Variants in HIVEP3 observed in about 807,000 individuals in gnomAD.
HIVEP3 encodes the protein transcription factor HIVEP3.
HIVEP3 carries 49 observed loss-of-function variants against 152.8 expected under a neutral mutation model. The observed-to-expected ratio is 0.32, with a 90% CI of 0.26 to 0.41. The LOEUF is 0.41. Among genes scored for constraint, HIVEP3 ranks in the 10% least tolerant of loss-of-function variants. The pLI is 1.00. For missense variants in HIVEP3, 2,790 were observed against 3,103.3 expected (o/e 0.90, Z 2.40); for synonymous variants, 1,269 against 1,289.0 (o/e 0.98, Z 0.33).
At chr1:41,598,486 C>T (rs12728110) in intron 3 of HIVEP3, among the ~76,000 whole-genome samples, 1,992 of 152,228 alleles carry the variant, frequency 0.013, 23 homozygotes, top group Middle Eastern at 0.02. Flanking sequence ...GAGTGTAGTC[C>T]AACAGAAGAG....
intron 3 of HIVEP3, among the ~76,000 whole-genome samples, chr1:41,596,231 C>T (rs1644663837): frequency 6.6e-6 from 1 of 152,206 alleles, no homozygotes; most frequent in South Asian, 2.1e-4. Flanking sequence ...TGACTGCCCT[C>T]TGAAAGCAGG....
chr1:41,757,390 TA>T (rs1365574242), intron 1 of HIVEP3, among the ~76,000 whole-genome samples: 2 of 151,994 alleles, frequency 1.3e-5, no homozygotes, highest in African/African-American at 4.8e-5. Context: ...GTGCTGGGAT[TA>T]CAGGCGTGAG....
intron 2 of HIVEP3, among the ~76,000 whole-genome samples, chr1:41,668,332 C>T (rs927333773): frequency 1.4e-4 from 21 of 152,196 alleles, no homozygotes; most frequent in African/African-American, 4.1e-4. Context: ...GAGATGAATA[C>T]GGGAGGGGTG....
At chr1:41,656,652 G>A (rs1413778337) in intron 2 of HIVEP3, among the ~76,000 whole-genome samples, 3 of 152,198 alleles carry the variant, frequency 2.0e-5, no homozygotes, top group East Asian at 1.9e-4. Flanking sequence ...GAAAGGAAAC[G>A]GGGGTTGCAT....
At chr1:41,565,525 AAG>A (rs1455370979) in intron 5 of HIVEP3, among the ~76,000 whole-genome samples, 1 of 99,576 alleles carries the variant, frequency 1.0e-5, no homozygotes, top group Non-Finnish European at 2.3e-5. Context: ...TAAAAACTGA[AAG>A]ACACACACAC....
chr1:41,966,542 C>T (rs1379748877), intron 1 of HIVEP3, among the ~76,000 whole-genome samples: 1 of 134,720 alleles, frequency 7.4e-6, no homozygotes, highest in Non-Finnish European at 1.5e-5. Context: ...GGCGCCATCT[C>T]GGCTCACTGC....
chr1:41,821,093 C>T (rs138336077), intron 1 of HIVEP3, among the ~76,000 whole-genome samples: 2,493 of 152,262 alleles, frequency 0.016, 38 homozygotes, highest in Non-Finnish European at 0.021. Context: ...GGAAAGGAAG[C>T]AGAGCCGTAA....
At chr1:41,653,703 A>C (rs1645586402) in intron 2 of HIVEP3, among the ~76,000 whole-genome samples, 2 of 152,168 alleles carry the variant, frequency 1.3e-5, no homozygotes, top group South Asian at 4.1e-4. Context: ...TCGCATGCCA[A>C]GGCAAGAAAC....
chr1:41,596,843 TG>T (rs1413868530), intron 3 of HIVEP3, among the ~76,000 whole-genome samples: 2 of 152,138 alleles, frequency 1.3e-5, no homozygotes, highest in Non-Finnish European at 2.9e-5. Flanking sequence ...CTTCCTTCCC[TG>T]TATCTGAGAT....
At chr1:41,708,112 A>ATGGGAGCCTCTAGAAGGATTCGG (rs1646460836) in intron 1 of HIVEP3, among the ~76,000 whole-genome samples, 1 of 152,218 alleles carries the variant, frequency 6.6e-6, no homozygotes, top group Admixed American at 6.5e-5. Context: ...GAAGGATTCG[A>ATGGGAGCCTCTAGAAGGATTCGG]TAGAATCCTC....
At chr1:41,775,281 G>A (rs1198991267) in intron 1 of HIVEP3, among the ~76,000 whole-genome samples, 4 of 152,146 alleles carry the variant, frequency 2.6e-5, no homozygotes. Context: ...TGTGGAAGAA[G>A]ACATTTCTGC....
chr1:41,584,183 G>A lies in HIVEP3; in HGVS notation c.615C>T (p.Ser205=), dbSNP rs553205567. The change falls in exon 4 of 9, where the codon AGC becomes AGT. Residue 205 remains serine (S), a synonymous_variant. Transcript: ENST00000372583. This position sits in a 1 kb window ranked among gnomAD's most constrained non-coding sequence, Gnocchi z 5.2. ...QYCSRPCAKP[S]VLQKHIRSHT... ...GTGAGCGAATGTGCTTCTGGAGCAC[G>A]CTGGGCTTGGCACAGGGCCGGCTGC... The A allele has an allele frequency of 1.7e-4, 273 of 1,614,190 alleles. 4 individuals carry two copies. In the South Asian group the frequency reaches 2.8e-3, roughly 16 times the overall value.
In HIVEP3 at chr1:41,626,535, A is replaced by AC. The variant is rs535834812; in HGVS notation, c.-522+2213dup. On this transcript the variant is annotated intron_variant, in intron 3 of 8. Transcript: ENST00000372583. ...GAGGGAAATGCCAAGTCTGCAGAGG[A>AC]CCCCCCATCTGTACTCCCTGGACAG... Among the ~76,000 whole-genome samples, 432 of 151,920 alleles carry AC rather than the reference A, an allele frequency of 2.8e-3. 4 individuals carry two copies. Among genetic ancestry groups the AC allele is most frequent in the Non-Finnish European group, 2.1e-3 (140 of 67,898 alleles).
At position 41,962,362 on chromosome 1, in the gene HIVEP3, T is replaced by C. The variant is rs561039179; in HGVS notation, n.120-43838A>G. 5.9e-5 allele frequency among the ~76,000 whole-genome samples: 9 copies of C among 152,342 alleles called. No homozygotes were observed. In the East Asian group the frequency reaches 1.3e-3, roughly 23 times the overall value. On this transcript the variant is annotated intron_variant and non_coding_transcript_variant, in intron 1 of 3. Coordinates refer to the HIVEP3 transcript ENST00000489103. ...GAACCAGTGGTTTGAAAATCATTCA[T>C]AGCACATAAAGAATAATTATCGCCC...
chr1:41,639,732 T>C (rs1271315682), intron 2 of HIVEP3, among the ~76,000 whole-genome samples: 1 of 152,216 alleles, frequency 6.6e-6, no homozygotes, highest in Non-Finnish European at 1.5e-5. Flanking sequence ...AGTCTGAGAA[T>C]GCTGTGACAT....
At chr1:41,597,069 T>C (rs1205706881) in intron 3 of HIVEP3, among the ~76,000 whole-genome samples, 1 of 152,134 alleles carries the variant, frequency 6.6e-6, no homozygotes, top group Non-Finnish European at 1.5e-5. Context: ...GTTCCTACTT[T>C]TCCTTCTCCT....
At chr1:42,016,132 A>C (rs1008676609) in intron 1 of HIVEP3, among the ~76,000 whole-genome samples, 3 of 152,218 alleles carry the variant, frequency 2.0e-5, no homozygotes, top group African/African-American at 7.2e-5. Flanking sequence ...TTTTAAAAAG[A>C]CTATATTTGT....
intron 1 of HIVEP3, among the ~76,000 whole-genome samples, chr1:42,018,500 G>A (rs1033449773): frequency 2.0e-5 from 3 of 151,850 alleles, no homozygotes; most frequent in Non-Finnish European, 4.4e-5. Flanking sequence ...CTGTATTTTA[G>A]TGTCAACTTT....
rs1280575850 is a variant in HIVEP3, at chr1:41,508,060, C to G, written c.*2391G>C. 6.6e-6 allele frequency: 1 copy of G among 152,264 alleles called. No individual in the cohort carries two copies. Among genetic ancestry groups the G allele is most frequent in the East Asian group, 1.9e-4 (1 of 5,188 alleles). The allele number at this position is 152,264 out of a possible 1,614,324, so 9.4% of individuals were successfully genotyped here. On this transcript the variant is annotated 3_prime_UTR_variant, in exon 9 of 9. Transcript: ENST00000372583. The stretch of plus-strand genomic sequence containing the variant: ...TTGCTAGGCTGCCCAGGGAGGAAAC[C>G]TTGGGTGGGTAGGCTGTTTGAGTAC...
Sources: allele counts gnomAD v4.1 joint callset (sites outside exome capture counted in the v4.1 genomes callset), GRCh38; gene constraint gnomAD v4.1.1; non-coding constraint Gnocchi (gnomAD v3.1); transcripts MANE v1.5; gene names NCBI Gene and HGNC (gene_info 2026-07-23, HGNC 2026-07-21).